LARGE1: variants seen among roughly 807,000 people sequenced by gnomAD.
LARGE1 encodes LARGE xylosyl- and glucuronyltransferase 1, also known as xylosyl- and glucuronyltransferase LARGE1.
In LARGE1, 43 loss-of-function variants were observed where a neutral mutation model predicts 87.6. The observed-to-expected ratio is 0.49, with a 90% CI of 0.38 to 0.63. The LOEUF is 0.63. Among genes scored for constraint, LARGE1 ranks in the 30% least tolerant of loss-of-function variants. The probability of loss-of-function intolerance (pLI) is 0.00; values close to 1 mark genes in which losing one functional copy is unlikely to be tolerated. For synonymous variants in LARGE1, 434 were observed against 394.6 expected (o/e 1.10, Z -1.18); for missense variants, 802 against 1,000.2 (o/e 0.80, Z 2.67).
intron 11 of LARGE1, among the ~76,000 whole-genome samples, chr22:33,227,876 C>A (rs1412222114): frequency 6.6e-6 from 1 of 152,132 alleles, no homozygotes; most frequent in African/African-American, 2.4e-5. Flanking sequence ...TAATTCTTGC[C>A]TGTAGGTTTT....
At chr22:33,750,089 C>T (rs1329638072) in intron 2 of LARGE1, among the ~76,000 whole-genome samples, 1 of 152,096 alleles carries the variant, frequency 6.6e-6, no homozygotes, top group African/African-American at 2.4e-5. Context: ...AAGGTGGAAA[C>T]TCAAAGTCTA....
intron 6 of LARGE1, among the ~76,000 whole-genome samples, chr22:33,453,198 T>C (rs2068006676): frequency 6.6e-6 from 1 of 152,066 alleles, no homozygotes; most frequent in Non-Finnish European, 1.5e-5. Context: ...GGGTGGATTA[T>C]GAAGTCACGA....
chr22:33,404,729 A>G (rs917919526), intron 7 of LARGE1, among the ~76,000 whole-genome samples: 1 of 152,214 alleles, frequency 6.6e-6, no homozygotes, highest in African/African-American at 2.4e-5. Context: ...TCAAGCTTTG[A>G]GGCAAGAGTG....
intron 10 of LARGE1, among the ~76,000 whole-genome samples, chr22:33,331,261 T>A (rs925246361): frequency 6.6e-6 from 1 of 152,172 alleles, no homozygotes; most frequent in East Asian, 1.9e-4. Flanking sequence ...TCTGAGGTCA[T>A]GTGTCTATTA....
intron 6 of LARGE1, among the ~76,000 whole-genome samples, chr22:33,478,039 T>G (rs536621962): frequency 1.3e-5 from 2 of 152,182 alleles, no homozygotes; most frequent in Non-Finnish European, 2.9e-5. Context: ...TGAGCCCTAT[T>G]TCACTCACCC....
chr22:33,710,713 T>C (rs1285824626), intron 2 of LARGE1, among the ~76,000 whole-genome samples: 1 of 152,136 alleles, frequency 6.6e-6, no homozygotes, highest in East Asian at 1.9e-4. Flanking sequence ...GTCATTTGAG[T>C]AGAATAAATC....
chr22:33,777,772 C>G (rs544886888), intron 1 of LARGE1, among the ~76,000 whole-genome samples: 1 of 151,978 alleles, frequency 6.6e-6, no homozygotes, highest in Non-Finnish European at 1.5e-5. Flanking sequence ...ACCTTGAGGC[C>G]GAGCACAAGA....
chr22:33,109,727 G>C, the LARGE1 span, among the ~76,000 whole-genome samples: 1 of 152,114 alleles, frequency 6.6e-6, no homozygotes, highest in Non-Finnish European at 1.5e-5. Flanking sequence ...TTTGAATTAC[G>C]TGGGCAGATC....
At chr22:33,075,381 T>A in the LARGE1 span, among the ~76,000 whole-genome samples, 1 of 152,378 alleles carries the variant, frequency 6.6e-6, no homozygotes, top group East Asian at 1.9e-4. Flanking sequence ...ATTTGTTTTA[T>A]CAAAAAATGT....
the LARGE1 span, among the ~76,000 whole-genome samples, chr22:33,104,941 T>TTC: frequency 5.2e-5 from 7 of 135,604 alleles, no homozygotes; most frequent in Admixed American, 7.7e-5. Context: ...CTTTCTTTCT[T>TTC]TCTTTCTCTT....
intron 6 of LARGE1, among the ~76,000 whole-genome samples, chr22:33,514,305 C>CAT (rs397818298): frequency 1.1e-4 from 16 of 151,748 alleles, no homozygotes; most frequent in Non-Finnish European, 2.1e-4. Flanking sequence ...CACACACACA[C>CAT]GATGATGCAC....
At chr22:33,492,537 T>C (rs534362394) in intron 6 of LARGE1, among the ~76,000 whole-genome samples, 3 of 152,302 alleles carry the variant, frequency 2.0e-5, no homozygotes, top group African/African-American at 7.2e-5. Context: ...CAAACTCCAG[T>C]TGCACAGTAA....
chr22:33,920,203 C>G lies in LARGE1; in HGVS notation c.-291G>C, dbSNP rs995444681. On this transcript the variant is annotated 5_prime_UTR_variant, in exon 1 of 15. Transcript: ENST00000397394. ...CGGGTCCCCCAAGCTGAGCACTGTC[C>G]CTTCTTCCTCTTCCTCCGGGGCCGC... 1 of 152,680 alleles carries G rather than the reference C, an allele frequency of 6.5e-6. No individual in the cohort carries two copies. The highest frequency in any genetic ancestry group is 1.5e-5 in the Non-Finnish European group (1 of 68,588). The allele number at this position is 152,680 out of a possible 1,614,324, so 9.5% of individuals were successfully genotyped here. A position where few individuals can be genotyped will look rare whatever the true frequency, so the allele number is the denominator to read the frequency against.
At chr22:33,466,693 T>TCTACACACAC (rs1555925562) in intron 6 of LARGE1, among the ~76,000 whole-genome samples, 11 of 145,344 alleles carry the variant, frequency 7.6e-5, no homozygotes, top group South Asian at 2.2e-4. Context: ...TCTCTCTCTC[T>TCTACACACAC]ACACACACAC....
chr22:33,128,680 C>CAAAAAAAAAAA, the LARGE1 span, among the ~76,000 whole-genome samples: 12 of 110,232 alleles, frequency 1.1e-4, no homozygotes, highest in East Asian at 2.6e-4. Context: ...GTCTCAAAAA[C>CAAAAAAAAAAA]AAAAAAAAAA....
chr22:33,809,904 T>C (rs2086439586), intron 1 of LARGE1, among the ~76,000 whole-genome samples: 1 of 152,112 alleles, frequency 6.6e-6, no homozygotes, highest in Non-Finnish European at 1.5e-5. Flanking sequence ...AAAAAAACTT[T>C]ACACTGCTTC....
intron 4 of LARGE1, among the ~76,000 whole-genome samples, chr22:33,621,110 T>C (rs931851908): frequency 1.6e-4 from 24 of 152,242 alleles, no homozygotes; most frequent in Non-Finnish European, 1.5e-5. Flanking sequence ...TTTCACTTAT[T>C]TTATATAAGC....
chr22:33,222,372 T>C (rs1311966026), intron 11 of LARGE1, among the ~76,000 whole-genome samples: 1 of 152,110 alleles, frequency 6.6e-6, no homozygotes. Context: ...GGGGAGAGCA[T>C]TTATCCTCCA....
At chr22:33,785,298 T>C (rs2085605845) in intron 1 of LARGE1, among the ~76,000 whole-genome samples, 1 of 151,946 alleles carries the variant, frequency 6.6e-6, no homozygotes, top group Non-Finnish European at 1.5e-5. Flanking sequence ...TATATGTGTA[T>C]ATATATACAC....
Sources: gnomAD v4.1 joint callset for allele counts (sites outside exome capture counted in the v4.1 genomes callset) on GRCh38, gnomAD v4.1.1 for gene constraint, MANE v1.5 for transcripts, NCBI Gene and HGNC (gene_info 2026-07-23, HGNC 2026-07-21) for gene names.